TBC1D10B: variants seen among roughly 807,000 people sequenced by gnomAD.
The protein encoded by TBC1D10B is TBC1 domain family member 10B.
Under a neutral mutation model 78.4 loss-of-function variants are expected in TBC1D10B, and 25 were observed. That is an observed-to-expected ratio of 0.32 (90% confidence interval 0.23 to 0.45). TBC1D10B has a LOEUF of 0.45. Among genes scored for constraint, TBC1D10B ranks in the 20% least tolerant of loss-of-function variants. The pLI, the probability that TBC1D10B is intolerant of heterozygous loss-of-function variation, is 1.00. For synonymous variants in TBC1D10B, 517 were observed against 478.0 expected (o/e 1.08, Z -1.06); for missense variants, 996 against 1,104.8 (o/e 0.90, Z 1.40).
chr16:30,359,613 G>T lies in TBC1D10B; in HGVS notation c.1387-10C>A, dbSNP rs1437787103. Reference sequence around the variant, plus strand: ...GGCACCAAAAGGCTTGCTGAGAAGAGCAAGAACAAGGAGGAGGGGTGGGGC... The same window carrying T: ...GGCACCAAAAGGCTTGCTGAGAAGATCAAGAACAAGGAGGAGGGGTGGGGC... On this transcript the variant is annotated splice_polypyrimidine_tract_variant and intron_variant, in intron 5 of 8. Coordinates refer to ENST00000409939, the MANE Select transcript of TBC1D10B (RefSeq NM_015527.4). 6.4e-7 allele frequency: 1 copy of T among 1,559,130 alleles called. No individual in the cohort carries two copies. Among genetic ancestry groups the T allele is most frequent in the South Asian group, 1.2e-5 (1 of 84,616 alleles).
In TBC1D10B at chr16:30,357,117, G is replaced by C. The variant is rs796403587; in HGVS notation, c.*827C>G. 2.0e-5 allele frequency: 3 copies of C among 153,058 alleles called. No homozygotes were observed. The highest frequency in any genetic ancestry group is 7.2e-5 in the African/African-American group (3 of 41,560). 9.5% of individuals were successfully genotyped at this position (153,058 alleles called of 1,614,324 possible). ...GAAAACAGGCCCAGGTACAACAGCA[G>C]GTTCTTTTCCAATTCCTCAAAGCGC... On this transcript the variant is annotated 3_prime_UTR_variant, in exon 9 of 9. Transcript: ENST00000409939.
chr16:30,364,440 C>CA (rs199544253), intron 4 of TBC1D10B, among the ~76,000 whole-genome samples: 1,624 of 151,892 alleles, frequency 0.011, 31 homozygotes, highest in Admixed American at 0.045. Context: ...GACTCCATCT[C>CA]AAAAAACAAA....
At position 30,365,447 on chromosome 16, in the gene TBC1D10B, A is replaced by G; in HGVS notation, c.1056+48T>C. On this transcript the variant is annotated intron_variant, in intron 2 of 8. Coordinates refer to ENST00000409939, the MANE Select transcript of TBC1D10B (RefSeq NM_015527.4). The surrounding 1 kb of genome is among the most constrained non-coding windows in gnomAD (Gnocchi z 5.0). ...CCTGGGCTTCCCTGGAGCACATGCTACCCCTCCCAACTTGTGCATTGCCCT... is the reference window on the plus strand; with the variant it reads ...CCTGGGCTTCCCTGGAGCACATGCTGCCCCTCCCAACTTGTGCATTGCCCT... The G allele has an allele frequency of 6.3e-7, 1 of 1,596,214 alleles. No individual in the cohort carries two copies. The highest frequency in any genetic ancestry group is 8.6e-7 in the Non-Finnish European group (1 of 1,163,796).
In TBC1D10B at chr16:30,357,915, G is replaced by A; in HGVS notation, c.*29C>T. 1 of 1,535,994 alleles carries A rather than the reference G, an allele frequency of 6.5e-7. No homozygotes were observed. The highest frequency in any genetic ancestry group is 1.2e-5 in the South Asian group (1 of 82,930). On this transcript the variant is annotated 3_prime_UTR_variant, in exon 9 of 9. Transcript: ENST00000409939. ...TGTTCTTGGCTGAGGGAAAGAGGGG[G>A]GCCATGCAGTCCAGCCCCAGGGCAG...
In TBC1D10B at chr16:30,359,849, G is replaced by T. The variant is rs1331739591; in HGVS notation, c.1272-8C>A. 2 of 1,554,598 alleles carry T rather than the reference G, an allele frequency of 1.3e-6. No individual in the cohort carries two copies. The highest frequency in any genetic ancestry group is 3.9e-5 in the Admixed American group (2 of 51,298). ...CGGTACAGGTCCTGTTGCCTGTGGG[G>T]GTTGGGGAAGACTGTGAGGGCAGTC... On this transcript the variant is annotated splice_region_variant and splice_polypyrimidine_tract_variant and intron_variant, in intron 4 of 8. Transcript: ENST00000409939.
intron 4 of TBC1D10B, chr16:30,360,060 AGCACAGGCT>A (rs1171293674): frequency 3.7e-6 from 2 of 543,606 alleles, no homozygotes; most frequent in African/African-American, 1.9e-5. Flanking sequence ...TGGCCATCCC[AGCACAGGCT>A]GCACCCTCGC....
Position 30,370,267 on chromosome 16 carries a change from G to C in TBC1D10B, c.-84C>G, listed in dbSNP as rs924798442. Reference sequence around the variant, plus strand: ...CGGGCCTCCCGGCGAGGCCAGCCGAGAAAGGGGAGAGGGCGAAGGGCGCGG... The same window carrying C: ...CGGGCCTCCCGGCGAGGCCAGCCGACAAAGGGGAGAGGGCGAAGGGCGCGG... On this transcript the variant is annotated 5_prime_UTR_variant, in exon 1 of 9. Transcript: ENST00000409939. 5.5e-6 allele frequency: 4 copies of C among 730,332 alleles called. No homozygotes were observed. Among genetic ancestry groups the C allele is most frequent in the East Asian group, 6.5e-5 (1 of 15,396 alleles). 45.2% of individuals were successfully genotyped at this position (730,332 alleles called of 1,614,324 possible). A position where few individuals can be genotyped will look rare whatever the true frequency, so the allele number is the denominator to read the frequency against.
In TBC1D10B at chr16:30,358,189, G is replaced by A. The variant is rs1255248918; in HGVS notation, c.2182C>T (p.Arg728Trp). The A allele has an allele frequency of 2.3e-5, 36 of 1,552,108 alleles. No individual in the cohort carries two copies. The highest frequency in any genetic ancestry group is 5.9e-5 in the Admixed American group (3 of 51,000). ...SKETRKQEKE[R>W]QKQEKERQKQ... ...TGCCGCTCCTTCTCCTGTTTCTGCC[G>A]CTCCTTCTCCTGCTTCCGGGTCTCC... is the stretch of plus-strand genomic sequence containing the variant. Residue 728 changes from arginine (R) to tryptophan (W), a missense_variant, in exon 9 of 9, where the codon CGG becomes TGG. Around this residue, in one of 5 missense-constraint regions of TBC1D10B, gnomAD observed 285 missense variants for 252.5 expected, o/e 1.13. Transcript: ENST00000409939.
rs2049580683 is a variant in TBC1D10B at position 30,358,985 on chromosome 16, G to A, written c.1643-168C>T. 4.1e-6 allele frequency: 5 copies of A among 1,207,994 alleles called. No homozygotes were observed. The South Asian group carries it at 8.0e-5, about 19-fold the overall frequency. 74.8% of individuals were successfully genotyped at this position (1,207,994 alleles called of 1,614,324 possible). A position where few individuals can be genotyped will look rare whatever the true frequency, so the allele number is the denominator to read the frequency against. ...TGCTATCAGTCTCAGGATCTTGGCA[G>A]GGAGAGCAGGCTCTGGGTTGGTGGC... is the stretch of plus-strand genomic sequence containing the variant. On this transcript the variant is annotated intron_variant, in intron 7 of 8. Coordinates refer to ENST00000409939, the MANE Select transcript of TBC1D10B (RefSeq NM_015527.4).
rs1411006763 is a variant in TBC1D10B, at chr16:30,365,015, G to A, written c.1165-9C>T. 6.2e-7 allele frequency: 1 copy of A among 1,612,940 alleles called. No individual in the cohort carries two copies. Among genetic ancestry groups the A allele is most frequent in the Non-Finnish European group, 8.5e-7 (1 of 1,179,342 alleles). On this transcript the variant is annotated splice_polypyrimidine_tract_variant and intron_variant, in intron 3 of 8. Coordinates refer to ENST00000409939, the MANE Select transcript of TBC1D10B (RefSeq NM_015527.4). The surrounding 1 kb of genome is among the most constrained non-coding windows in gnomAD (Gnocchi z 5.0). ...GGAGCCCGTTCCAGCTCCTGCAGTG[G>A]GACAGTGGGGATTACCTCAGCATCT...
chr16:30,370,263 C>G lies in TBC1D10B; in HGVS notation c.-80G>C. On this transcript the variant is annotated 5_prime_UTR_variant, in exon 1 of 9. Transcript: ENST00000409939. Reference sequence around the variant, plus strand: ...CCCTCGGGCCTCCCGGCGAGGCCAGCCGAGAAAGGGGAGAGGGCGAAGGGC... The same window carrying G: ...CCCTCGGGCCTCCCGGCGAGGCCAGGCGAGAAAGGGGAGAGGGCGAAGGGC... 2 of 761,844 alleles carry G rather than the reference C, an allele frequency of 2.6e-6. No individual in the cohort carries two copies. The highest frequency in any genetic ancestry group is 3.7e-5 in the African/African-American group (2 of 53,500). The allele number at this position is 761,844 out of a possible 1,614,324, so 47.2% of individuals were successfully genotyped here.
In TBC1D10B at chr16:30,359,155, G is replaced by C. The variant is rs761685994; in HGVS notation, c.1642+17C>G. On this transcript the variant is annotated intron_variant, in intron 7 of 8. Transcript: ENST00000409939. The stretch of plus-strand genomic sequence containing the variant: ...AGAAACCCCAGCCCCTCATGGCCTG[G>C]AGGGCCACAGAAGTACCTTCACAGA... 60 of 1,600,356 alleles carry C rather than the reference G, an allele frequency of 3.7e-5. No individual in the cohort carries two copies. Among genetic ancestry groups the C allele is most frequent in the Non-Finnish European group, 4.9e-5 (57 of 1,173,908 alleles).
At position 30,358,138 on chromosome 16, in the gene TBC1D10B, C is replaced by G; in HGVS notation, c.2233G>C (p.Glu745Gln). Residue 745 changes from glutamate to glutamine, a missense_variant, in exon 9 of 9, where the codon GAG (glutamate) becomes CAG (glutamine). This residue lies in a region of TBC1D10B where 285 missense variants were observed against 252.5 expected (regional missense o/e 1.13). Transcript: ENST00000409939. The part of the protein sequence containing the change: ...RQKQEKEREK[E>Q]RQKQEKEREK... ...CGCTCTTTCTCCTGCTTCTGCCGCT[C>G]CTTCTCCCGCTCCTTCTCCTGTTTC... 2 of 1,550,868 alleles carry G rather than the reference C, an allele frequency of 1.3e-6. No homozygotes were observed. Among genetic ancestry groups the G allele is most frequent in the East Asian group, 4.9e-5 (2 of 40,822 alleles).
rs1265094586 is a variant in TBC1D10B at position 30,357,711 on chromosome 16, G to A, written c.*233C>T. The A allele has an allele frequency of 1.4e-5, 9 of 633,330 alleles. No homozygotes were observed. Among genetic ancestry groups the A allele is most frequent in the Non-Finnish European group, 2.4e-5 (9 of 372,174 alleles). The allele number at this position is 633,330 out of a possible 1,614,324, so 39.2% of individuals were successfully genotyped here. A position where few individuals can be genotyped will look rare whatever the true frequency, so the allele number is the denominator to read the frequency against. ...GGACCCAGAGGGAACTGGGGCAGGA[G>A]CGACAGAGACCCCAGCTGAGCCTCA... On this transcript the variant is annotated 3_prime_UTR_variant, in exon 9 of 9. Coordinates refer to ENST00000409939, the MANE Select transcript of TBC1D10B (RefSeq NM_015527.4).
At chr16:30,364,839 C>A (rs2151102173) in intron 4 of TBC1D10B, 61 bp downstream of exon 4, 2 of 1,476,326 alleles carry the variant, frequency 1.4e-6, no homozygotes, top group South Asian at 1.2e-5. Flanking sequence ...ATCCACCTAG[C>A]TAAAAGGTGG....
Position 30,365,541 on chromosome 16 carries a change from T to C in TBC1D10B, c.1010A>G (p.Asp337Gly). The change falls in exon 2 of 9, where the codon GAC becomes GGC. Residue 337 changes from aspartate (D) to glycine (G), a missense_variant. This residue lies in a region of TBC1D10B where 93 missense variants were observed against 152.7 expected (regional missense o/e 0.61). Transcript: ENST00000409939. The surrounding 1 kb of genome is among the most constrained non-coding windows in gnomAD (Gnocchi z 5.0). ...CCACTTATCCCAGTTACTGAACATG[T>C]CCAGCCATTTGAGCTCCCGCTGCCG... ...VARQRELKWLDMFSNWDKWLS... is the reference protein window; with the variant it reads ...VARQRELKWLGMFSNWDKWLS... The C allele has an allele frequency of 6.2e-7, 1 of 1,613,994 alleles. No homozygotes were observed. The highest frequency in any genetic ancestry group is 8.5e-7 in the Non-Finnish European group (1 of 1,179,898).
Position 30,369,129 on chromosome 16 carries a change from G to T in TBC1D10B, c.956+99C>A. The T allele has an allele frequency of 7.9e-7, 1 of 1,262,760 alleles. No homozygotes were observed. Among genetic ancestry groups the T allele is most frequent in the South Asian group, 1.6e-5 (1 of 64,084 alleles). 78.2% of individuals were successfully genotyped at this position (1,262,760 alleles called of 1,614,324 possible). A position where few individuals can be genotyped will look rare whatever the true frequency, so the allele number is the denominator to read the frequency against. On this transcript the variant is annotated intron_variant, in intron 1 of 8. Coordinates refer to ENST00000409939, the MANE Select transcript of TBC1D10B (RefSeq NM_015527.4). The surrounding 1 kb of genome is among the most constrained non-coding windows in gnomAD (Gnocchi z 4.3). Reference sequence around the variant, plus strand: ...ACCCCGTGGATCCTCAGAGGAGGCTGGGCTGCCAGAGTCTGGGCAAAGTGT... The same window carrying T: ...ACCCCGTGGATCCTCAGAGGAGGCTTGGCTGCCAGAGTCTGGGCAAAGTGT...
At position 30,369,821 on chromosome 16, in the gene TBC1D10B, C is replaced by T; in HGVS notation, c.363G>A (p.Glu121=). The T allele has an allele frequency of 1.4e-6, 2 of 1,417,716 alleles. No homozygotes were observed. Among genetic ancestry groups the T allele is most frequent in the South Asian group, 1.5e-5 (1 of 65,156 alleles). 87.8% of individuals were successfully genotyped at this position (1,417,716 alleles called of 1,614,324 possible). ...CCCCTGCGGCCAGAGCCCTCGATGT[C>T]TCAACTCCAGCCACTGCCGCGGGCT... is the stretch of plus-strand genomic sequence containing the variant. ...SPEPAAVAGV[E]TSRALAAGAD... Residue 121 remains glutamate (E), a synonymous_variant, in exon 1 of 9, where the codon GAG becomes GAA. Coordinates refer to ENST00000409939, the MANE Select transcript of TBC1D10B (RefSeq NM_015527.4). The surrounding 1 kb of genome is among the most constrained non-coding windows in gnomAD (Gnocchi z 4.3).
At chr16:30,362,753 C>T (rs2049607391) in intron 4 of TBC1D10B, among the ~76,000 whole-genome samples, 1 of 152,126 alleles carries the variant, frequency 6.6e-6, no homozygotes, top group South Asian at 2.1e-4. Context: ...ACTTAATGTT[C>T]CCTGCCGGGC....
Sources: allele counts gnomAD v4.1 joint callset (sites outside exome capture counted in the v4.1 genomes callset), GRCh38; gene constraint gnomAD v4.1.1; regional missense constraint gnomAD v4.1.1; non-coding constraint Gnocchi (gnomAD v3.1); transcripts MANE v1.5; gene names NCBI Gene and HGNC (gene_info 2026-07-23, HGNC 2026-07-21).